Variants in CDK14 observed in about 807,000 individuals in gnomAD.
The protein encoded by CDK14 is cyclin dependent kinase 14, also known as cyclin-dependent kinase 14.
CDK14 carries 34 observed loss-of-function variants against 60.7 expected under a neutral mutation model. That is an observed-to-expected ratio of 0.56 (90% CI 0.43 to 0.75). CDK14 has a LOEUF of 0.75. CDK14 is among the 30% of genes least tolerant of loss of function. The probability of loss-of-function intolerance (pLI) is 0.00; values close to 1 mark genes in which losing one functional copy is unlikely to be tolerated. For synonymous variants in CDK14, 197 were observed against 203.7 expected (o/e 0.97, Z 0.28); for missense variants, 482 against 564.1 (o/e 0.85, Z 1.47).
intron 2 of CDK14, among the ~76,000 whole-genome samples, chr7:90,677,141 C>T (rs1240053168): frequency 3.9e-5 from 6 of 152,034 alleles, no homozygotes; most frequent in Admixed American, 6.5e-5. Context: ...AAAGACTTCC[C>T]TGGATCGACT....
intron 2 of CDK14, among the ~76,000 whole-genome samples, chr7:90,635,113 G>T (rs962486081): frequency 2.0e-5 from 3 of 151,900 alleles, no homozygotes; most frequent in Non-Finnish European, 4.4e-5. Context: ...AGTTTCTTTT[G>T]CTGTGCAGAA....
chr7:90,959,060 T>C (rs553336439), intron 9 of CDK14, among the ~76,000 whole-genome samples: 3 of 152,296 alleles, frequency 2.0e-5, no homozygotes, highest in Admixed American at 6.5e-5. Context: ...CTCGTGTGTG[T>C]GTGTTCATTC....
intron 4 of CDK14, among the ~76,000 whole-genome samples, chr7:90,775,307 G>C (rs1416942036): frequency 6.6e-6 from 1 of 152,158 alleles, no homozygotes; most frequent in Non-Finnish European, 1.5e-5. Context: ...GAATGGGTTT[G>C]ACTTTGATTT....
intron 2 of CDK14, among the ~76,000 whole-genome samples, chr7:90,675,400 A>AT (rs11397070): frequency 0.84 from 127,534 of 151,430 alleles, 53,904 homozygotes; most frequent in East Asian, 0.89. Flanking sequence ...TGAATATAGG[A>AT]TTTTTTTTTC....
intron 13 of CDK14, among the ~76,000 whole-genome samples, chr7:91,113,371 T>C (rs1311369423): frequency 6.6e-6 from 1 of 152,254 alleles, no homozygotes; most frequent in Admixed American, 6.5e-5. Flanking sequence ...TTTTGTTTTG[T>C]TTTTATAAAA....
At chr7:90,976,790 G>A (rs1795086020) in intron 9 of CDK14, among the ~76,000 whole-genome samples, 2 of 151,962 alleles carry the variant, frequency 1.3e-5, no homozygotes, top group South Asian at 4.2e-4. Context: ...TCATTTTGTG[G>A]GTTGTTCTTT....
In CDK14 at chr7:91,112,534, G is replaced by A. The variant is rs1449482464; in HGVS notation, c.1155-8G>A. Reference sequence around the variant, plus strand: ...GGTCTGACCTCTCTTTTTTGCTCATGTTTTTAGGCTCAGCTATGTGAACCA... The same window carrying A: ...GGTCTGACCTCTCTTTTTTGCTCATATTTTTAGGCTCAGCTATGTGAACCA... On this transcript the variant is annotated splice_polypyrimidine_tract_variant and splice_region_variant and intron_variant, in intron 12 of 14. Transcript: ENST00000380050. The A allele has an allele frequency of 3.7e-6, 6 of 1,605,390 alleles. No homozygotes were observed. The highest frequency in any genetic ancestry group is 5.1e-6 in the Non-Finnish European group (6 of 1,175,806).
chr7:90,637,518 G>A (rs1164318200), intron 2 of CDK14, among the ~76,000 whole-genome samples: 7 of 151,778 alleles, frequency 4.6e-5, no homozygotes. Context: ...TATAATTTCT[G>A]TTCTTTTACA....
intron 5 of CDK14, among the ~76,000 whole-genome samples, chr7:90,828,688 G>T (rs1046393952): frequency 6.6e-6 from 1 of 152,178 alleles, no homozygotes; most frequent in African/African-American, 2.4e-5. Context: ...TCTGCTTGTT[G>T]AATTACCCAC....
intron 2 of CDK14, among the ~76,000 whole-genome samples, chr7:90,662,648 C>T (rs541677637): frequency 1.3e-5 from 2 of 152,364 alleles, no homozygotes; most frequent in African/African-American, 4.8e-5. Flanking sequence ...TGAGTTCACA[C>T]TTGTAAAGTA....
intron 3 of CDK14, among the ~76,000 whole-genome samples, chr7:90,727,236 G>C (rs890696945): frequency 1.3e-5 from 2 of 151,842 alleles, no homozygotes; most frequent in African/African-American, 2.4e-5. Context: ...AGTTTTTTTT[G>C]GGGGGGTACT....
At chr7:90,906,874 G>T (rs1034636766) in intron 7 of CDK14, among the ~76,000 whole-genome samples, 1 of 151,946 alleles carries the variant, frequency 6.6e-6, no homozygotes, top group African/African-American at 2.4e-5. Context: ...TTCTTGATGC[G>T]TATTTCTTGT....
chr7:90,655,719 A>G (rs1222779430), intron 2 of CDK14, among the ~76,000 whole-genome samples: 3 of 152,224 alleles, frequency 2.0e-5, no homozygotes, highest in Non-Finnish European at 4.4e-5. Flanking sequence ...GGTTGTTAAC[A>G]TAGCTCTTAC....
intron 2 of CDK14, among the ~76,000 whole-genome samples, chr7:90,693,764 C>G (rs1351237589): frequency 6.6e-6 from 1 of 152,122 alleles, no homozygotes; most frequent in Non-Finnish European, 1.5e-5. Flanking sequence ...ATTCTTTGTT[C>G]ATTCATCGTA....
chr7:90,608,918 A>G (rs1799477929), intron 2 of CDK14, among the ~76,000 whole-genome samples: 1 of 152,250 alleles, frequency 6.6e-6, no homozygotes, highest in African/African-American at 2.4e-5. Flanking sequence ...CATTTAGTAT[A>G]ACAATTCTGT....
At chr7:90,767,135 G>A (rs893323485) in intron 4 of CDK14, among the ~76,000 whole-genome samples, 10 of 152,198 alleles carry the variant, frequency 6.6e-5, no homozygotes, top group Admixed American at 2.0e-4. Context: ...TGTCAGCAGG[G>A]CAATTATACC....
intron 5 of CDK14, among the ~76,000 whole-genome samples, chr7:90,839,937 C>T (rs187821005): frequency 1.2e-3 from 178 of 152,124 alleles, no homozygotes; most frequent in African/African-American, 4.0e-3. Context: ...TTCAATGCAG[C>T]CAACATATAC....
intron 3 of CDK14, among the ~76,000 whole-genome samples, chr7:90,732,281 G>A (rs1007786380): frequency 1.3e-5 from 2 of 151,960 alleles, no homozygotes; most frequent in African/African-American, 4.8e-5. Context: ...TGTTCATCAG[G>A]GATATTGGCT....
At chr7:90,674,119 A>G (rs1801152058) in intron 2 of CDK14, among the ~76,000 whole-genome samples, 1 of 152,234 alleles carries the variant, frequency 6.6e-6, no homozygotes, top group Non-Finnish European at 1.5e-5. Flanking sequence ...GGGACATCAA[A>G]TTGCACAGAA....
Sources: allele counts gnomAD v4.1 joint callset (sites outside exome capture counted in the v4.1 genomes callset), GRCh38; gene constraint gnomAD v4.1.1; transcripts MANE v1.5; gene names NCBI Gene and HGNC (gene_info 2026-07-23, HGNC 2026-07-21).